The following TASOR2 variants were observed in gnomAD, a reference collection of about 807,000 sequenced individuals.
TASOR2 encodes protein TASOR 2.
Under a neutral mutation model 199.5 loss-of-function variants are expected in TASOR2, and 84 were observed. The ratio of observed to expected loss-of-function variants is 0.42; its 90% CI spans 0.35 to 0.50. The LOEUF (loss-of-function observed/expected upper bound fraction) is 0.50. Among genes scored for constraint, TASOR2 ranks in the 20% least tolerant of loss-of-function variants. The pLI is 0.02. For synonymous variants in TASOR2, 1,103 were observed against 1,046.6 expected, an observed-to-expected ratio of 1.05 and a Z score of -1.04; for missense variants, 2,796 against 2,835.9, an observed-to-expected ratio of 0.99 and a Z score of 0.32.
intron 17 of TASOR2, among the ~76,000 whole-genome samples, chr10:5,757,974 C>T (rs975310213): frequency 6.6e-6 from 1 of 152,196 alleles, no homozygotes; most frequent in Non-Finnish European, 1.5e-5. Context: ...TTAGTCTCTT[C>T]ACTTGCCAAG....
Position 5,748,409 on chromosome 10 carries a change from A to C in TASOR2, c.4988A>C (p.Asp1663Ala), listed in dbSNP as rs777244455. 5.0e-6 allele frequency: 8 copies of C among 1,614,136 alleles called. No homozygotes were observed. Among genetic ancestry groups the C allele is most frequent in the Non-Finnish European group, 6.8e-6 (8 of 1,180,056 alleles). The change falls in exon 15 of 21, where the codon GAC becomes GCC. Residue 1663 changes from aspartate (D) to alanine (A), a missense_variant. Physicochemically the swap from Asp to Ala is moderately radical, Grantham distance 126. This residue lies in a region of TASOR2 where 1,941 missense variants were observed against 1,924.9 expected (regional missense o/e 1.01). Transcript: ENST00000328090. The surrounding 1 kb of genome is among the most constrained non-coding windows in gnomAD (Gnocchi z 5.1). Reference sequence around the variant, plus strand: ...GTCCCCACGCTTTGTTCTTCCTCAGACAATGCTACATTAACCCATTATGTA... The same window carrying C: ...GTCCCCACGCTTTGTTCTTCCTCAGCCAATGCTACATTAACCCATTATGTA...
chr10:5,746,644 C>T, exon 15 of TASOR2: 9 of 1,614,084 alleles, frequency 5.6e-6, no homozygotes, highest in Non-Finnish European at 7.6e-6. Context: ...TGCTGATGAA[C>T]GTACAACCTT....
chr10:5,748,579 A>G lies in TASOR2; in HGVS notation c.5158A>G (p.Thr1720Ala). The G allele has an allele frequency of 6.2e-7, 1 of 1,613,662 alleles. No homozygotes were observed. Among genetic ancestry groups the G allele is most frequent in the Non-Finnish European group, 8.5e-7 (1 of 1,180,024 alleles). ...CACTGCTGGCCCTCAGTCCAACACC[A>G]CATCTTCTCTAAAAGGTGAACGCAA... Residue 1720 changes from threonine (T) to alanine (A), a missense_variant, in exon 15 of 21, where the codon ACA (threonine) becomes GCA (alanine). This residue lies in a region of TASOR2 where 1,941 missense variants were observed against 1,924.9 expected (regional missense o/e 1.01). Coordinates refer to ENST00000328090, the Ensembl canonical transcript of TASOR2. This position sits in a 1 kb window ranked among gnomAD's most constrained non-coding sequence, Gnocchi z 5.1.
At chr10:5,763,000 A>G (rs1303064847) in intron 20 of TASOR2, 29 bp from the exon 22 acceptor site, 7 of 1,606,460 alleles carry the variant, frequency 4.4e-6, no homozygotes, top group Non-Finnish European at 6.0e-6. Flanking sequence ...TATTTTAAGA[A>G]GTTCTTTATC....
In TASOR2 at chr10:5,757,688, T is replaced by C. The variant is rs1839165504; in HGVS notation, c.6886+15T>C. 6.2e-7 allele frequency: 1 copy of C among 1,611,066 alleles called. No homozygotes were observed. The highest frequency in any genetic ancestry group is 1.7e-5 in the Admixed American group (1 of 59,198). On this transcript the variant is annotated intron_variant, in intron 17 of 20. Coordinates refer to ENST00000328090, the Ensembl canonical transcript of TASOR2. The stretch of plus-strand genomic sequence containing the variant: ...TGTAACATTAGGTTGGTCTTTATTT[T>C]CTTTTCCTGTTTCTTTGAAGTCAGA...
chr10:5,740,638 A>G lies in TASOR2; in HGVS notation c.2327+141A>G, dbSNP rs1836276901. The G allele has an allele frequency of 1.1e-6, 1 of 895,808 alleles. No homozygotes were observed. Among genetic ancestry groups the G allele is most frequent in the South Asian group, 1.8e-5 (1 of 55,058 alleles). The allele number at this position is 895,808 out of a possible 1,614,324, so 55.5% of individuals were successfully genotyped here. Reference sequence around the variant, plus strand: ...AAACCAGTAATTTGATAATAACATCAAGCAAACATGTTTCCTGGCAATTAA... The same window carrying G: ...AAACCAGTAATTTGATAATAACATCGAGCAAACATGTTTCCTGGCAATTAA... On this transcript the variant is annotated intron_variant, in intron 13 of 20. Transcript: ENST00000328090. The surrounding 1 kb of genome is among the most constrained non-coding windows in gnomAD (Gnocchi z 5.3).
In TASOR2 at chr10:5,689,473, G is replaced by A. The variant is rs566192609; in HGVS notation, c.-288+4298G>A. Among the ~76,000 whole-genome samples the A allele has an allele frequency of 2.0e-5, 3 of 152,040 alleles. No individual in the cohort carries two copies. Among genetic ancestry groups the A allele is most frequent in the Admixed American group, 6.5e-5 (1 of 15,272 alleles). ...AAATTATCCCGGCATGGGGGTGCGCGCCTGTAGTCCCAGCTACTCGGGAGG... is the reference window on the plus strand; with the variant it reads ...AAATTATCCCGGCATGGGGGTGCGCACCTGTAGTCCCAGCTACTCGGGAGG... On this transcript the variant is annotated intron_variant, in intron 1 of 20. Transcript: ENST00000328090. This position sits in a 1 kb window ranked among gnomAD's most constrained non-coding sequence, Gnocchi z 4.1.
intron 8 of TASOR2, among the ~76,000 whole-genome samples, chr10:5,725,387 T>A (rs1833921821): frequency 1.6e-5 from 1 of 63,682 alleles, no homozygotes; most frequent in African/African-American, 8.0e-5. Flanking sequence ...CAAGACTCCA[T>A]CTCAAAAAAA....
exon 15 of TASOR2, chr10:5,749,209 A>G (rs1236523598): frequency 6.2e-6 from 10 of 1,614,112 alleles, no homozygotes; most frequent in Admixed American, 3.3e-5. Flanking sequence ...CAACTTCTCT[A>G]TAACAAAAGA....
At chr10:5,747,596 T>G (rs959394515) in exon 15 of TASOR2, 1 of 1,614,202 alleles carries the variant, frequency 6.2e-7, no homozygotes, top group Non-Finnish European at 8.5e-7. Context: ...GATTTTCCCT[T>G]TGATTCTGTA....
intron 2 of TASOR2, 28 bp downstream of exon 2, chr10:5,712,946 A>G: frequency 9.5e-7 from 1 of 1,051,406 alleles, no homozygotes; most frequent in Non-Finnish European, 1.2e-6. Context: ...TAGAAAATTA[A>G]TGGTATCATT....
At chr10:5,746,832 A>G in exon 15 of TASOR2, 1 of 1,614,226 alleles carries the variant, frequency 6.2e-7, no homozygotes, top group Non-Finnish European at 8.5e-7. Context: ...TTGATAAAGC[A>G]GTGTGTTCAT....
At chr10:5,729,464 G>C (rs1298744312) in intron 10 of TASOR2, among the ~76,000 whole-genome samples, 1 of 152,210 alleles carries the variant, frequency 6.6e-6, no homozygotes, top group Admixed American at 6.5e-5. Flanking sequence ...ACTCCAGGAG[G>C]CTGAGGCAGG....
intron 1 of TASOR2, chr10:5,692,809 G>GCCCTGCGC (rs1836615170): frequency 6.6e-6 from 1 of 152,192 alleles, no homozygotes; most frequent in Non-Finnish European, 1.5e-5. Context: ...CGCTCAGCAC[G>GCCCTGCGC]CCCTGCGCGG....
At chr10:5,684,994 G>A (rs1835644747) in exon 1 of TASOR2, 2 of 397,540 alleles carry the variant, frequency 5.0e-6, no homozygotes, top group Admixed American at 4.4e-5. Context: ...CCCCGGGGCT[G>A]GGGCGGACGG....
At chr10:5,747,572 T>A in exon 15 of TASOR2, 1 of 1,614,148 alleles carries the variant, frequency 6.2e-7, no homozygotes. Context: ...GCAGAGGAAA[T>A]TAATGTGACC....
At chr10:5,708,725 A>G (rs531086468) in intron 1 of TASOR2, among the ~76,000 whole-genome samples, 3 of 142,794 alleles carry the variant, frequency 2.1e-5, no homozygotes, top group African/African-American at 7.9e-5. Context: ...TCTTTCTGAC[A>G]TGGTCTGGCT....
intron 10 of TASOR2, among the ~76,000 whole-genome samples, chr10:5,729,149 G>A (rs139034926): frequency 6.6e-6 from 1 of 152,106 alleles, no homozygotes; most frequent in South Asian, 2.1e-4. Flanking sequence ...AGGAGTTGGA[G>A]ACTAGCCTGG....
Position 5,701,912 on chromosome 10 carries a change from A to T in TASOR2, c.-287-10911A>T, listed in dbSNP as rs1397529806. ...GATCACGTTATCTGTGAACAGGCTT[A>T]TTTGACTTCTTCTTTTCTGATTTGG... On this transcript the variant is annotated intron_variant, in intron 1 of 20. Transcript: ENST00000328090. This position sits in a 1 kb window ranked among gnomAD's most constrained non-coding sequence, Gnocchi z 4.9. 4.1e-5 allele frequency among the ~76,000 whole-genome samples: 4 copies of T among 96,488 alleles called. No homozygotes were observed. The highest frequency in any genetic ancestry group is 6.3e-5 in the Non-Finnish European group (3 of 47,662). 63.3% of individuals were successfully genotyped at this position (96,488 alleles called of 152,430 possible). A position where few individuals can be genotyped will look rare whatever the true frequency, so the allele number is the denominator to read the frequency against.
Sources: allele counts gnomAD v4.1 joint callset (sites outside exome capture counted in the v4.1 genomes callset), GRCh38; gene constraint gnomAD v4.1.1; regional missense constraint gnomAD v4.1.1; non-coding constraint Gnocchi (gnomAD v3.1); transcripts MANE v1.5; gene names NCBI Gene and HGNC (gene_info 2026-07-23, HGNC 2026-07-21).